The following RUNX1 variants were observed in gnomAD, a reference collection of about 807,000 sequenced individuals.
The protein encoded by RUNX1 is RUNX family transcription factor 1, also known as runt-related transcription factor 1.
Under a neutral mutation model 42.8 loss-of-function variants are expected in RUNX1, and 19 were observed. That is an observed-to-expected ratio of 0.44 (90% CI 0.31 to 0.65). The LOEUF (loss-of-function observed/expected upper bound fraction) is 0.65, where lower values mean the gene tolerates loss of function less well. RUNX1 is among the 30% of genes least tolerant of loss of function. The probability of loss-of-function intolerance (pLI) is 0.07; values close to 1 mark genes in which losing one functional copy is unlikely to be tolerated. For missense variants in RUNX1, 528 were observed against 672.0 expected (o/e 0.79, Z 2.37); for synonymous variants, 271 against 289.4 (o/e 0.94, Z 0.64).
At chr21:34,927,301 C>G (rs1371255752) in intron 2 of RUNX1, among the ~76,000 whole-genome samples, 1 of 152,150 alleles carries the variant, frequency 6.6e-6, no homozygotes, top group East Asian at 1.9e-4. Flanking sequence ...CCACGTAACA[C>G]AGAATGCACA....
intron 2 of RUNX1, among the ~76,000 whole-genome samples, chr21:34,896,090 G>A (rs988866107): frequency 1.3e-5 from 2 of 152,090 alleles, no homozygotes; most frequent in African/African-American, 4.8e-5. Flanking sequence ...GAGACATCGT[G>A]ATGTCTCTCT....
At position 34,888,039 on chromosome 21, in the gene RUNX1, T is replaced by C. The variant is rs2058023476; in HGVS notation, c.98-943A>G. On this transcript the variant is annotated intron_variant, in intron 3 of 8. Coordinates refer to ENST00000675419, the MANE Select transcript of RUNX1 (RefSeq NM_001754.5). ...GGTTTGGGGATGTTGGTTAAGTTTG[T>C]GGCTGGTCCTCTGGTTTGTTGGGAG... 5 of 1,066,238 alleles carry C rather than the reference T, an allele frequency of 4.7e-6. No individual in the cohort carries two copies. The African/African-American group carries it at 4.9e-5, about 10-fold the overall frequency. The allele number at this position is 1,066,238 out of a possible 1,614,324, so 66.0% of individuals were successfully genotyped here. A position where few individuals can be genotyped will look rare whatever the true frequency, so the allele number is the denominator to read the frequency against.
intron 2 of RUNX1, among the ~76,000 whole-genome samples, chr21:35,020,940 G>C (rs2059193846): frequency 6.6e-6 from 1 of 152,190 alleles, no homozygotes; most frequent in Non-Finnish European, 1.5e-5. Flanking sequence ...TCCCCACAAA[G>C]AATCTGGGGC....
chr21:34,973,786 A>G (rs777024040), intron 2 of RUNX1, among the ~76,000 whole-genome samples: 17 of 152,226 alleles, frequency 1.1e-4, no homozygotes, highest in Non-Finnish European at 2.2e-4. Context: ...GAACATTTTA[A>G]TCCTTTCTAC....
intron 3 of RUNX1, among the ~76,000 whole-genome samples, chr21:34,890,875 C>A (rs1323478492): frequency 6.6e-6 from 1 of 152,152 alleles, no homozygotes; most frequent in Non-Finnish European, 1.5e-5. Flanking sequence ...GCAAGGGAAA[C>A]CTTTTCGCCT....
At chr21:34,931,532 C>T (rs1022167562) in intron 2 of RUNX1, among the ~76,000 whole-genome samples, 7 of 131,574 alleles carry the variant, frequency 5.3e-5, no homozygotes, top group Non-Finnish European at 1.1e-4. Flanking sequence ...TATATATACA[C>T]GTATATGTAT....
intron 3 of RUNX1, 71 bp from the exon 4 acceptor site, chr21:34,887,167 A>C: frequency 7.0e-7 from 1 of 1,430,880 alleles, no homozygotes; most frequent in African/African-American, 1.5e-5. Flanking sequence ...AGACGGCGAC[A>C]GGGGCGCGGA....
chr21:34,880,236 T>C (rs2057874586), intron 5 of RUNX1, among the ~76,000 whole-genome samples: 1 of 152,250 alleles, frequency 6.6e-6, no homozygotes, highest in Non-Finnish European at 1.5e-5. Context: ...ATTGTAATTG[T>C]ATAATCCTAG....
At chr21:34,814,387 C>T (rs144385861) in intron 7 of RUNX1, among the ~76,000 whole-genome samples, 100 of 152,280 alleles carry the variant, frequency 6.6e-4, no homozygotes, top group African/African-American at 2.2e-3. Context: ...CACCTGTGTG[C>T]GCCTTTTCTT....
chr21:34,938,428 A>G (rs2058502304), intron 2 of RUNX1, among the ~76,000 whole-genome samples: 1 of 152,146 alleles, frequency 6.6e-6, no homozygotes, highest in Non-Finnish European at 1.5e-5. Context: ...TCTCAGTCTA[A>G]TATCTTGCTC....
At chr21:34,793,808 A>G (rs912472658) in intron 8 of RUNX1, among the ~76,000 whole-genome samples, 1 of 151,890 alleles carries the variant, frequency 6.6e-6, no homozygotes. Context: ...GGCTCAAGCA[A>G]TTCTACTGCC....
At chr21:35,037,902 A>C (rs569647034) in intron 2 of RUNX1, among the ~76,000 whole-genome samples, 1 of 149,872 alleles carries the variant, frequency 6.7e-6, no homozygotes, top group Non-Finnish European at 1.5e-5. Context: ...GCACTGCTAC[A>C]TGATGAGAGA....
chr21:34,937,023 T>C (rs2058490806), intron 2 of RUNX1, among the ~76,000 whole-genome samples: 1 of 152,096 alleles, frequency 6.6e-6, no homozygotes, highest in South Asian at 2.1e-4. Flanking sequence ...GATTCTATTG[T>C]ATGACTGACC....
At chr21:34,814,798 G>A (rs928089843) in intron 7 of RUNX1, among the ~76,000 whole-genome samples, 2 of 152,210 alleles carry the variant, frequency 1.3e-5, no homozygotes, top group Admixed American at 6.5e-5. Context: ...GGATTTCTGG[G>A]GGCCTGATAA....
At chr21:34,975,850 AAG>A (rs1219903409) in intron 2 of RUNX1, among the ~76,000 whole-genome samples, 3 of 152,080 alleles carry the variant, frequency 2.0e-5, no homozygotes, top group Admixed American at 1.3e-4. Flanking sequence ...GAAAACAGAG[AAG>A]AGAGAGGATT....
intron 5 of RUNX1, among the ~76,000 whole-genome samples, chr21:34,865,283 T>TGC (rs1321837571): frequency 1.7e-5 from 1 of 59,474 alleles, no homozygotes; most frequent in Non-Finnish European, 4.0e-5. Context: ...TTTGTGCGTG[T>TGC]GTGTGTGTGT....
intron 7 of RUNX1, among the ~76,000 whole-genome samples, chr21:34,830,409 C>T (rs1049348904): frequency 5.3e-5 from 8 of 152,158 alleles, no homozygotes; most frequent in Admixed American, 2.0e-4. Context: ...ATTAAGGTGC[C>T]CACCACACAG....
intron 2 of RUNX1, among the ~76,000 whole-genome samples, chr21:35,045,348 A>T (rs564196339): frequency 6.6e-6 from 1 of 152,290 alleles, no homozygotes; most frequent in South Asian, 2.1e-4. Context: ...GGTGGGTCAG[A>T]TTTGCTAAGA....
intron 5 of RUNX1, among the ~76,000 whole-genome samples, chr21:34,877,397 C>G (rs1460170238): frequency 6.6e-6 from 1 of 152,134 alleles, no homozygotes; most frequent in Non-Finnish European, 1.5e-5. Context: ...GAACAATAAC[C>G]TCTGTGCTCA....
Sources: allele counts gnomAD v4.1 joint callset (sites outside exome capture counted in the v4.1 genomes callset), GRCh38; gene constraint gnomAD v4.1.1; transcripts MANE v1.5; gene names NCBI Gene and HGNC (gene_info 2026-07-23, HGNC 2026-07-21).